Variants in KLF12 observed in about 807,000 individuals in gnomAD.
KLF12 encodes KLF transcription factor 12.
Under a neutral mutation model 37.8 loss-of-function variants are expected in KLF12, and 9 were observed. That is an observed-to-expected ratio of 0.24 (90% CI 0.14 to 0.42). KLF12 has a LOEUF of 0.42. Among genes scored for constraint, KLF12 ranks in the 10% least tolerant of loss-of-function variants. KLF12 has a pLI of 1.00. For missense variants in KLF12, 411 were observed against 516.0 expected (o/e 0.80, Z 1.97); for synonymous variants, 208 against 202.1 (o/e 1.03, Z -0.25).
At chr13:74,285,289 C>G in the KLF12 span, among the ~76,000 whole-genome samples, 9 of 151,766 alleles carry the variant, frequency 5.9e-5, no homozygotes, top group Non-Finnish European at 1.2e-4. Flanking sequence ...TAATGGTGGT[C>G]TTTTATTAAT....
chr13:74,199,209 T>C, the KLF12 span, among the ~76,000 whole-genome samples: 1 of 152,146 alleles, frequency 6.6e-6, no homozygotes, highest in Non-Finnish European at 1.5e-5. Flanking sequence ...AAAAACTCCA[T>C]GGTCTTGAAA....
intron 1 of KLF12, among the ~76,000 whole-genome samples, chr13:74,035,030 A>C (rs1893212845): frequency 6.6e-6 from 1 of 152,198 alleles, no homozygotes; most frequent in Non-Finnish European, 1.5e-5. Context: ...GTTATATGCT[A>C]GCCTAGAATT....
chr13:73,820,890 C>T (rs1883490642), intron 4 of KLF12, among the ~76,000 whole-genome samples: 2 of 152,158 alleles, frequency 1.3e-5, no homozygotes, highest in South Asian at 2.1e-4. Flanking sequence ...TTAAAACTTT[C>T]TTCTCCCTTG....
At chr13:74,183,731 T>G in the KLF12 span, among the ~76,000 whole-genome samples, 1 of 151,864 alleles carries the variant, frequency 6.6e-6, no homozygotes, top group South Asian at 2.1e-4. Context: ...AGTCCAGGAG[T>G]TAGAGACCAG....
At chr13:74,076,558 T>G (rs1593879694) in intron 1 of KLF12, among the ~76,000 whole-genome samples, 1 of 152,334 alleles carries the variant, frequency 6.6e-6, no homozygotes, top group East Asian at 1.9e-4. Context: ...ATCCCATTCA[T>G]GAGAGGAGAA....
At chr13:73,776,197 A>G (rs1306202026) in intron 5 of KLF12, among the ~76,000 whole-genome samples, 1 of 152,204 alleles carries the variant, frequency 6.6e-6, no homozygotes, top group African/African-American at 2.4e-5. Flanking sequence ...TTTTTCTTTA[A>G]GTGGACACCA....
intron 3 of KLF12, among the ~76,000 whole-genome samples, chr13:73,891,188 A>G (rs1594217302): frequency 6.6e-6 from 1 of 152,172 alleles, no homozygotes; most frequent in Admixed American, 6.5e-5. Flanking sequence ...GCACATATAC[A>G]TATTTTTTCA....
At chr13:73,951,782 C>T (rs1890656722) in intron 2 of KLF12, among the ~76,000 whole-genome samples, 1 of 152,330 alleles carries the variant, frequency 6.6e-6, no homozygotes, top group Middle Eastern at 3.4e-3. Flanking sequence ...ATGCTCCTCC[C>T]TCCAGGACTA....
rs955376420 is a variant in KLF12 at position 73,885,784 on chromosome 13, G to A, written c.124-39411C>T. 3.3e-5 allele frequency among the ~76,000 whole-genome samples: 5 copies of A among 152,226 alleles called. No individual in the cohort carries two copies. In the East Asian group the frequency reaches 5.8e-4, roughly 18 times the overall value. ...GAAAAACCTGGTACACAGAGAATAC[G>A]TTGAAGGGAGTGACAGCAGAAGTTA... On this transcript the variant is annotated intron_variant, in intron 3 of 7. Coordinates refer to ENST00000377669, the MANE Select transcript of KLF12 (RefSeq NM_007249.5).
chr13:74,219,600 T>A, the KLF12 span, among the ~76,000 whole-genome samples: 4 of 152,272 alleles, frequency 2.6e-5, no homozygotes, highest in African/African-American at 4.8e-5. Context: ...CACTAAAAAA[T>A]TTTTTTAGAA....
At chr13:73,814,415 C>T (rs192016006) in intron 4 of KLF12, among the ~76,000 whole-genome samples, 4 of 152,280 alleles carry the variant, frequency 2.6e-5, no homozygotes, top group African/African-American at 9.6e-5. Context: ...TTTTTACCCA[C>T]GAAATGGCAA....
intron 1 of KLF12, among the ~76,000 whole-genome samples, chr13:74,122,369 T>C (rs1877679798): frequency 6.6e-6 from 1 of 152,192 alleles, no homozygotes; most frequent in East Asian, 1.9e-4. Context: ...CCAGTAACAG[T>C]AAGATATTAC....
the KLF12 span, among the ~76,000 whole-genome samples, chr13:74,275,052 A>G: frequency 6.6e-6 from 1 of 152,164 alleles, no homozygotes; most frequent in South Asian, 2.1e-4. Flanking sequence ...AGGCACTGAG[A>G]AGGTGACATT....
At chr13:74,092,296 C>CAAAAAAAAAA (rs35528942) in intron 1 of KLF12, among the ~76,000 whole-genome samples, 16 of 136,866 alleles carry the variant, frequency 1.2e-4, no homozygotes, top group African/African-American at 2.3e-4. Flanking sequence ...GACTCCGTCT[C>CAAAAAAAAAA]AAAAAAAAAA....
rs189873183 is a variant in KLF12 at position 73,925,610 on chromosome 13, A to G, written c.123+18371T>C. Among the ~76,000 whole-genome samples the G allele has an allele frequency of 5.8e-4, 88 of 152,342 alleles. 2 individuals carry two copies. The highest frequency in any genetic ancestry group is 2.2e-4 in the Non-Finnish European group (15 of 68,038). On this transcript the variant is annotated intron_variant, in intron 3 of 7. Transcript: ENST00000377669. ...AACACATCCATTCTGCAGCCCGTGG[A>G]TAAGTAGTCATTTTGATTTTCAATT... is the stretch of plus-strand genomic sequence containing the variant.
At chr13:74,179,826 A>T in the KLF12 span, among the ~76,000 whole-genome samples, 1 of 152,212 alleles carries the variant, frequency 6.6e-6, no homozygotes, top group Non-Finnish European at 1.5e-5. Context: ...GAGATTGCAG[A>T]TGTACAACAA....
At chr13:73,990,363 A>T (rs1259108223) in intron 2 of KLF12, among the ~76,000 whole-genome samples, 1 of 151,862 alleles carries the variant, frequency 6.6e-6, no homozygotes, top group East Asian at 1.9e-4. Context: ...GTTTAAAATA[A>T]ATTGTTCATT....
chr13:73,815,062 G>A (rs1295790555), intron 4 of KLF12, among the ~76,000 whole-genome samples: 1 of 149,394 alleles, frequency 6.7e-6, no homozygotes, highest in Non-Finnish European at 1.5e-5. Context: ...AAAAATCACT[G>A]TCATGTGACT....
intron 1 of KLF12, among the ~76,000 whole-genome samples, chr13:74,055,020 A>G (rs927458209): frequency 6.6e-6 from 1 of 152,254 alleles, no homozygotes; most frequent in Non-Finnish European, 1.5e-5. Flanking sequence ...AGAAATTACA[A>G]TAACAGGGCA....
Sources: gnomAD v4.1 joint callset for allele counts (sites outside exome capture counted in the v4.1 genomes callset) on GRCh38, gnomAD v4.1.1 for gene constraint, MANE v1.5 for transcripts, NCBI Gene and HGNC (gene_info 2026-07-23, HGNC 2026-07-21) for gene names.